The following PLXNA4 variants were observed in gnomAD, a reference collection of about 807,000 sequenced individuals.
PLXNA4 encodes the protein plexin A4.
Under a neutral mutation model 191.8 loss-of-function variants are expected in PLXNA4, and 44 were observed. The ratio of observed to expected loss-of-function variants is 0.23; its 90% CI spans 0.18 to 0.29. The LOEUF is 0.29. PLXNA4 is among the 10% of genes least tolerant of loss of function. The probability of loss-of-function intolerance (pLI) is 1.00; values close to 1 mark genes in which losing one functional copy is unlikely to be tolerated. For missense variants in PLXNA4, 1,800 were observed against 2,488.8 expected (o/e 0.72, Z 5.89); for synonymous variants, 1,082 against 1,009.5 (o/e 1.07, Z -1.36).
At chr7:132,342,204 TA>T (rs1311003482) in intron 3 of PLXNA4, among the ~76,000 whole-genome samples, 2 of 147,922 alleles carry the variant, frequency 1.4e-5, no homozygotes, top group Non-Finnish European at 3.0e-5. Context: ...TGATTATAAA[TA>T]AAAATAAAGC....
chr7:132,181,734 G>T, intron 17 of PLXNA4, 114 bp from the exon 18 acceptor site: 1 of 1,478,624 alleles, frequency 6.8e-7, no homozygotes, highest in Non-Finnish European at 9.0e-7. Context: ...TTGACAAGAG[G>T]ATTAGAGATG....
At chr7:132,274,282 A>G (rs1392729546) in intron 4 of PLXNA4, among the ~76,000 whole-genome samples, 1 of 151,252 alleles carries the variant, frequency 6.6e-6, no homozygotes, top group African/African-American at 2.4e-5. Context: ...ATATATATAT[A>G]TGTATATATT....
intron 3 of PLXNA4, among the ~76,000 whole-genome samples, chr7:132,458,060 C>T (rs1329204619): frequency 1.3e-5 from 2 of 152,288 alleles, no homozygotes; most frequent in South Asian, 2.1e-4. Flanking sequence ...GAAACCAACA[C>T]ATCGTGTCAT....
At position 132,495,833 on chromosome 7, in the gene PLXNA4, A is replaced by G. The variant is rs1180547234; in HGVS notation, c.1189-6359T>C. On this transcript the variant is annotated intron_variant, in intron 2 of 31. Coordinates refer to ENST00000321063, the MANE Select transcript of PLXNA4 (RefSeq NM_020911.2). ...CACCAAACCTTTGGTTCCTTGGGCT[A>G]TTGGAACTCCCTGCGTTCAGCAAGG... is the stretch of plus-strand genomic sequence containing the variant. Among the ~76,000 whole-genome samples, 3 of 152,342 alleles carry G rather than the reference A, an allele frequency of 2.0e-5. No individual in the cohort carries two copies. The South Asian group carries it at 6.2e-4, about 32-fold the overall frequency.
At chr7:132,286,426 C>T (rs990154742) in intron 4 of PLXNA4, among the ~76,000 whole-genome samples, 8 of 152,110 alleles carry the variant, frequency 5.3e-5, no homozygotes, top group African/African-American at 1.4e-4. Context: ...AGGACACCGG[C>T]GCTAAGTTAG....
At chr7:132,335,103 A>G (rs1802765127) in intron 3 of PLXNA4, among the ~76,000 whole-genome samples, 1 of 152,100 alleles carries the variant, frequency 6.6e-6, no homozygotes, top group Non-Finnish European at 1.5e-5. Context: ...ACTATTTATC[A>G]CCCTTGTACA....
chr7:132,557,617 C>T (rs1467003045), intron 1 of PLXNA4, among the ~76,000 whole-genome samples: 2 of 151,838 alleles, frequency 1.3e-5, no homozygotes, highest in Admixed American at 1.3e-4. Flanking sequence ...AGGAAGTCAG[C>T]CAAGTTTAAT....
intron 3 of PLXNA4, among the ~76,000 whole-genome samples, chr7:132,455,807 G>A (rs1796293398): frequency 6.6e-6 from 1 of 152,184 alleles, no homozygotes; most frequent in African/African-American, 2.4e-5. Flanking sequence ...GTGGGTGCCT[G>A]GCTCCCAGTG....
intron 2 of PLXNA4, among the ~76,000 whole-genome samples, chr7:132,600,949 CCTTATA>C (rs1318593769): frequency 4.0e-5 from 6 of 151,282 alleles, no homozygotes; most frequent in African/African-American, 1.5e-4. Flanking sequence ...TGATTTCTGC[CCTTATA>C]TTTATTATTT....
chr7:132,527,538 TCAAA>T (rs1799446652), intron 1 of PLXNA4, among the ~76,000 whole-genome samples: 1 of 14,734 alleles, frequency 6.8e-5, no homozygotes, highest in African/African-American at 2.4e-4. Flanking sequence ...TGAAACAGAC[TCAAA>T]AAAAAAAAAA....
chr7:132,334,411 C>T (rs776310123), intron 3 of PLXNA4, among the ~76,000 whole-genome samples: 41 of 151,866 alleles, frequency 2.7e-4, no homozygotes, highest in Admixed American at 1.2e-3. Context: ...GCATGCACCA[C>T]CACACCCAGC....
intron 10 of PLXNA4, among the ~76,000 whole-genome samples, chr7:132,206,789 G>A (rs4731856): frequency 0.31 from 47,683 of 151,862 alleles, 9,074 homozygotes; most frequent in East Asian, 0.64. Flanking sequence ...ACGGGCTCCC[G>A]TCCCCCAGGA....
chr7:132,646,276 G>A (rs1803864917), intron 1 of PLXNA4, among the ~76,000 whole-genome samples: 2 of 152,086 alleles, frequency 1.3e-5, no homozygotes, highest in Admixed American at 6.5e-5. Flanking sequence ...TACAGCTGAA[G>A]GGCTGGACTC....
chr7:132,364,741 G>T (rs371600013), intron 3 of PLXNA4, among the ~76,000 whole-genome samples: 2 of 152,126 alleles, frequency 1.3e-5, no homozygotes, highest in Non-Finnish European at 2.9e-5. Context: ...CACTATGTTC[G>T]TAGTTTCATC....
At position 132,146,716 on chromosome 7, in the gene PLXNA4, T is replaced by C. The variant is rs1795445566; in HGVS notation, c.4865-16A>G. On this transcript the variant is annotated splice_polypyrimidine_tract_variant and intron_variant, in intron 27 of 31. Transcript: ENST00000321063. The stretch of plus-strand genomic sequence containing the variant: ...ATCATGTTTTCTGCCAAGGCAAGGA[T>C]CACCCCCCGACATATGTGAGGCCAC... The C allele has an allele frequency of 1.9e-6, 3 of 1,613,542 alleles. No homozygotes were observed. The highest frequency in any genetic ancestry group is 2.5e-6 in the Non-Finnish European group (3 of 1,179,584).
At chr7:132,496,124 C>T (rs2117575561) in intron 2 of PLXNA4, among the ~76,000 whole-genome samples, 1 of 152,352 alleles carries the variant, frequency 6.6e-6, no homozygotes, top group East Asian at 1.9e-4. Flanking sequence ...CACCAACTGC[C>T]TTGGGGAGCA....
intron 29 of PLXNA4, among the ~76,000 whole-genome samples, chr7:132,144,655 A>G (rs372403044): frequency 2.6e-5 from 4 of 152,144 alleles, no homozygotes; most frequent in East Asian, 1.9e-4. Flanking sequence ...CACACGACAC[A>G]TCCTCCATCT....
chr7:132,521,535 CAAG>C (rs1041285090), intron 1 of PLXNA4, among the ~76,000 whole-genome samples: 3 of 152,088 alleles, frequency 2.0e-5, no homozygotes, highest in African/African-American at 7.2e-5. Context: ...GTCAAATGGC[CAAG>C]AAGATGTGCA....
At chr7:132,320,430 T>C (rs1802117620) in intron 3 of PLXNA4, among the ~76,000 whole-genome samples, 1 of 152,192 alleles carries the variant, frequency 6.6e-6, no homozygotes, top group Non-Finnish European at 1.5e-5. Flanking sequence ...AGTCACTGGA[T>C]TAAAGCCCAT....
Sources: allele counts gnomAD v4.1 joint callset (sites outside exome capture counted in the v4.1 genomes callset), GRCh38; gene constraint gnomAD v4.1.1; transcripts MANE v1.5; gene names NCBI Gene and HGNC (gene_info 2026-07-23, HGNC 2026-07-21).